Variants in PCDH11X observed in about 807,000 individuals in gnomAD.
PCDH11X encodes the protein protocadherin-11 X-linked.
In PCDH11X, 18 loss-of-function variants were observed where a neutral mutation model predicts 53.3. The observed-to-expected ratio is 0.34, with a 90% CI of 0.23 to 0.50. PCDH11X has a LOEUF of 0.50. PCDH11X is among the 20% of genes least tolerant of loss of function. The probability of loss-of-function intolerance (pLI) is 0.98; values close to 1 mark genes in which losing one functional copy is unlikely to be tolerated. For missense variants in PCDH11X, 570 were observed against 1,032.4 expected (o/e 0.55, Z 6.14); for synonymous variants, 279 against 393.3 (o/e 0.71, Z 3.44).
At chrX:92,413,154 T>A (rs2071727590) in intron 9 of PCDH11X, among the ~76,000 whole-genome samples, 1 of 72,628 alleles carries the variant, frequency 1.4e-5, no homozygotes, top group South Asian at 9.7e-4. Flanking sequence ...ACGTTTATGA[T>A]GTGAGTCTCC....
intron 10 of PCDH11X, among the ~76,000 whole-genome samples, chrX:92,596,565 T>A (rs1212841832): frequency 2.9e-5 from 3 of 102,249 alleles, no homozygotes; most frequent in Admixed American, 1.1e-4. Context: ...AAAACTGTAA[T>A]AAAAATTCTC....
At chrX:92,089,773 T>C (rs1371287321) in intron 6 of PCDH11X, among the ~76,000 whole-genome samples, 1 of 108,135 alleles carries the variant, frequency 9.2e-6, no homozygotes, top group Non-Finnish European at 1.9e-5. Flanking sequence ...TCCACCCTCC[T>C]CGGCCTCCCA....
intron 10 of PCDH11X, among the ~76,000 whole-genome samples, chrX:92,580,027 C>G (rs1440939489): frequency 9.5e-6 from 1 of 105,574 alleles, no homozygotes; most frequent in Non-Finnish European, 1.9e-5. Flanking sequence ...GGGTCCACTC[C>G]AGACCCTATT....
chrX:92,048,239 GA>G (rs60882285), intron 6 of PCDH11X, among the ~76,000 whole-genome samples: 3,646 of 74,403 alleles, frequency 0.049, 134 homozygotes, highest in African/African-American at 0.13. Context: ...CTTTTCTTTT[GA>G]AAAAAAAAAA....
At chrX:92,498,614 A>G (rs886311315) in intron 10 of PCDH11X, among the ~76,000 whole-genome samples, 1 of 109,332 alleles carries the variant, frequency 9.1e-6, no homozygotes, top group African/African-American at 3.3e-5. Context: ...ATATATTAGT[A>G]ACTAACATAT....
chrX:91,922,591 G>A (rs769847702), intron 6 of PCDH11X, among the ~76,000 whole-genome samples: 7 of 112,143 alleles, frequency 6.2e-5, no homozygotes, highest in Non-Finnish European at 9.4e-5. Flanking sequence ...CCTGCTGTCA[G>A]ATCAGTGATG....
intron 8 of PCDH11X, among the ~76,000 whole-genome samples, chrX:92,271,289 A>C (rs1204957299): frequency 5.3e-5 from 6 of 112,403 alleles, no homozygotes; most frequent in Admixed American, 2.8e-4. Flanking sequence ...GACAGCTCTA[A>C]AGAAATCTTT....
chrX:91,865,521 A>G (rs1277942671), intron 5 of PCDH11X, among the ~76,000 whole-genome samples: 4 of 110,355 alleles, frequency 3.6e-5, no homozygotes, highest in Non-Finnish European at 5.7e-5. Flanking sequence ...CCCTTGTTCA[A>G]GGACCTGTGG....
intron 5 of PCDH11X, among the ~76,000 whole-genome samples, chrX:91,858,477 C>G (rs1408192023): frequency 8.9e-6 from 1 of 111,735 alleles, no homozygotes; most frequent in East Asian, 2.8e-4. Flanking sequence ...CATTGTCAGA[C>G]TGCAATTTTT....
intron 8 of PCDH11X, among the ~76,000 whole-genome samples, chrX:92,372,958 GTCAA>G (rs1375495255): frequency 1.8e-5 from 2 of 111,252 alleles, no homozygotes; most frequent in African/African-American, 3.3e-5. Context: ...AAGTTGGTAT[GTCAA>G]TCAAATGAAT....
chrX:92,120,283 C>T (rs1481136213), intron 6 of PCDH11X, among the ~76,000 whole-genome samples: 1 of 109,515 alleles, frequency 9.1e-6, no homozygotes, highest in Non-Finnish European at 1.9e-5. Flanking sequence ...CCTCAGCCTC[C>T]CCAGTATCTG....
chrX:92,563,045 C>G (rs748808406), intron 10 of PCDH11X, among the ~76,000 whole-genome samples: 1 of 80,861 alleles, frequency 1.2e-5, no homozygotes, highest in Non-Finnish European at 2.3e-5. Context: ...CTCCTTGGTA[C>G]CGTTTTTTTT....
intron 6 of PCDH11X, among the ~76,000 whole-genome samples, chrX:92,007,431 C>G (rs1384043909): frequency 9.0e-6 from 1 of 111,539 alleles, no homozygotes; most frequent in Admixed American, 9.5e-5. Flanking sequence ...ACCACCAATA[C>G]TCCCTTATGA....
intron 5 of PCDH11X, among the ~76,000 whole-genome samples, chrX:91,872,373 C>T (rs1939369374): frequency 9.2e-6 from 1 of 108,899 alleles, no homozygotes; most frequent in Admixed American, 9.8e-5. Flanking sequence ...ATTCCTGTGC[C>T]TATACAGACT....
intron 6 of PCDH11X, among the ~76,000 whole-genome samples, chrX:91,891,452 T>C (rs1448043814): frequency 2.0e-5 from 2 of 102,052 alleles, no homozygotes; most frequent in Non-Finnish European, 3.9e-5. Context: ...TCATTATCTG[T>C]GCTGGATTAA....
At chrX:92,454,923 A>G (rs1455175490) in intron 9 of PCDH11X, among the ~76,000 whole-genome samples, 4 of 107,947 alleles carry the variant, frequency 3.7e-5, no homozygotes, top group Non-Finnish European at 7.7e-5. Flanking sequence ...CTAAATATAC[A>G]TTAATCTTGC....
intron 9 of PCDH11X, among the ~76,000 whole-genome samples, chrX:92,419,282 T>A (rs1195981021): frequency 1.9e-5 from 2 of 105,130 alleles, no homozygotes; most frequent in African/African-American, 6.9e-5. Flanking sequence ...GTTCTTTTTT[T>A]TTTTTGTCTT....
intron 7 of PCDH11X, among the ~76,000 whole-genome samples, chrX:92,214,936 T>C: frequency 9.0e-6 from 1 of 111,386 alleles, no homozygotes; most frequent in Non-Finnish European, 1.9e-5. Flanking sequence ...TAGTCCCAGC[T>C]ACTTGGGAGG....
At chrX:91,983,956 T>C (rs765952345) in intron 6 of PCDH11X, among the ~76,000 whole-genome samples, 82 of 110,907 alleles carry the variant, frequency 7.4e-4, no homozygotes, top group African/African-American at 2.6e-3. Flanking sequence ...ACATTCGAAG[T>C]CTTTAGTTTA....
Sources: allele counts gnomAD v4.1 joint callset (sites outside exome capture counted in the v4.1 genomes callset), GRCh38; gene constraint gnomAD v4.1.1; transcripts MANE v1.5; gene names NCBI Gene and HGNC (gene_info 2026-07-23, HGNC 2026-07-21).